Variants in DNM3 observed in about 807,000 individuals in gnomAD.
DNM3 encodes dynamin-3.
A neutral mutation model predicts 101.6 loss-of-function variants in DNM3; 47 were observed. The observed-to-expected ratio is 0.46, with a 90% CI of 0.37 to 0.59. The LOEUF is 0.59. Ranked by LOEUF, DNM3 falls within the 20% of genes least tolerant of loss-of-function variation. The pLI, the probability that DNM3 is intolerant of heterozygous loss-of-function variation, is 0.00. For synonymous variants in DNM3, 385 were observed against 387.9 expected (o/e 0.99, Z 0.09); for missense variants, 849 against 1,085.7 (o/e 0.78, Z 3.06).
intron 1 of DNM3, among the ~76,000 whole-genome samples, chr1:171,913,764 T>C (rs2039491596): frequency 1.3e-5 from 2 of 152,158 alleles, no homozygotes; most frequent in African/African-American, 4.8e-5. Flanking sequence ...TATTGTGAGA[T>C]AGTACTCCTA....
chr1:172,095,072 G>A (rs75211690), intron 13 of DNM3, among the ~76,000 whole-genome samples: 1,621 of 152,264 alleles, frequency 0.011, 32 homozygotes, highest in African/African-American at 0.037. Flanking sequence ...ACACATTATG[G>A]AAGTATTACA....
chr1:172,160,107 AC>A (rs2058493493), intron 14 of DNM3, among the ~76,000 whole-genome samples: 1 of 151,970 alleles, frequency 6.6e-6, no homozygotes, highest in Non-Finnish European at 1.5e-5. Context: ...TTTACTATCA[AC>A]CGAGCTTTCA....
intron 1 of DNM3, among the ~76,000 whole-genome samples, chr1:171,892,690 C>G (rs890506254): frequency 1.3e-5 from 2 of 152,188 alleles, no homozygotes; most frequent in African/African-American, 4.8e-5. Context: ...ACTTTATCAA[C>G]TACAGCAGCA....
In DNM3 at chr1:172,056,971, A is replaced by G. The variant is rs536213904; in HGVS notation, c.1335+8221A>G. Among the ~76,000 whole-genome samples, 765 of 152,204 alleles carry G rather than the reference A, an allele frequency of 5.0e-3. 4 individuals carry two copies. The highest frequency in any genetic ancestry group is 0.024 in the Middle Eastern group (7 of 294). The stretch of plus-strand genomic sequence containing the variant: ...AAAAAATTTAGACGAATGTATAACT[A>G]GAATAACCAATACAGAGAAGTGCTT... On this transcript the variant is annotated intron_variant, in intron 10 of 20. Transcript: ENST00000627582.
intron 11 of DNM3, among the ~76,000 whole-genome samples, chr1:172,078,852 TAA>T (rs1352257134): frequency 6.6e-6 from 1 of 152,230 alleles, no homozygotes; most frequent in African/African-American, 2.4e-5. Context: ...TGCTAGTCTG[TAA>T]AAGAGTTTAT....
chr1:172,185,338 G>C (rs891644277), intron 14 of DNM3, among the ~76,000 whole-genome samples: 6 of 152,114 alleles, frequency 3.9e-5, no homozygotes, highest in Non-Finnish European at 5.9e-5. Flanking sequence ...GAGTAGAATT[G>C]GAATGCAGAG....
At chr1:172,134,695 A>G (rs2057121465) in intron 14 of DNM3, among the ~76,000 whole-genome samples, 1 of 152,198 alleles carries the variant, frequency 6.6e-6, no homozygotes, top group Non-Finnish European at 1.5e-5. Context: ...ATAAATAGGA[A>G]AACCTAGCAG....
chr1:172,139,139 T>G (rs1424125058), intron 14 of DNM3: 1 of 312,872 alleles, frequency 3.2e-6, no homozygotes, highest in Non-Finnish European at 6.2e-6. Context: ...AAACTCACAT[T>G]AAAATTTTAA....
intron 2 of DNM3, among the ~76,000 whole-genome samples, chr1:171,922,997 G>A (rs2040298654): frequency 6.6e-6 from 1 of 152,202 alleles, no homozygotes. Context: ...TATGAATGAT[G>A]TTGCTATAAA....
chr1:172,413,288 A>G (rs1170415887), downstream of DNM3, among the ~76,000 whole-genome samples: 20 of 152,064 alleles, frequency 1.3e-4, no homozygotes, highest in Admixed American at 1.2e-3. Context: ...GTGCAGTGGC[A>G]CTATCTCGGC....
intron 12 of DNM3, among the ~76,000 whole-genome samples, chr1:172,090,234 AG>A (rs1211628401): frequency 6.6e-6 from 1 of 152,222 alleles, no homozygotes; most frequent in Non-Finnish European, 1.5e-5. Context: ...TAACCTATGA[AG>A]GTGTCATGAT....
At chr1:171,959,750 A>G (rs562908655) in intron 2 of DNM3, among the ~76,000 whole-genome samples, 2 of 152,186 alleles carry the variant, frequency 1.3e-5, no homozygotes, top group East Asian at 3.9e-4. Context: ...CAAGGAGGTA[A>G]AGTGTTATGA....
chr1:172,127,352 C>G (rs2148052650), intron 13 of DNM3, among the ~76,000 whole-genome samples: 1 of 150,996 alleles, frequency 6.6e-6, no homozygotes, highest in Middle Eastern at 3.4e-3. Flanking sequence ...TCCTTGTATC[C>G]TCTTTATTGT....
intron 16 of DNM3, among the ~76,000 whole-genome samples, chr1:172,314,623 G>A (rs1025994928): frequency 6.6e-6 from 1 of 152,216 alleles, no homozygotes; most frequent in Non-Finnish European, 1.5e-5. Context: ...CGCCCACGGA[G>A]TCTCGCTGAT....
chr1:172,353,723 A>T (rs1366310202), intron 17 of DNM3, among the ~76,000 whole-genome samples: 1 of 152,174 alleles, frequency 6.6e-6, no homozygotes, highest in Non-Finnish European at 1.5e-5. Flanking sequence ...TTTGACTCTT[A>T]GCTTTTGAAA....
chr1:172,037,031 A>G (rs1020133826), intron 6 of DNM3, among the ~76,000 whole-genome samples: 3 of 152,244 alleles, frequency 2.0e-5, no homozygotes, highest in Non-Finnish European at 2.9e-5. Context: ...GCCAAAAAAC[A>G]TGAAAAAATG....
chr1:172,253,274 G>C (rs886269333), intron 14 of DNM3, among the ~76,000 whole-genome samples: 3 of 152,078 alleles, frequency 2.0e-5, no homozygotes, highest in Non-Finnish European at 4.4e-5. Context: ...CTTCATCTCA[G>C]AGCCCTTCCT....
rs1403628230 is a variant in DNM3, at chr1:172,056,567, C to A, written c.1335+7817C>A. ...CCCGAGCAGCCTAACTGGGAGGCAC[C>A]CCCAAGCAGGGGCACACTGACACCT... On this transcript the variant is annotated intron_variant, in intron 10 of 20. Coordinates refer to ENST00000627582, the MANE Select transcript of DNM3 (RefSeq NM_015569.5). Among the ~76,000 whole-genome samples the A allele has an allele frequency of 2.0e-5, 3 of 152,226 alleles. No individual in the cohort carries two copies. The East Asian group carries it at 5.8e-4, about 29-fold the overall frequency.
At chr1:171,898,779 A>T (rs936421920) in intron 1 of DNM3, among the ~76,000 whole-genome samples, 2 of 149,664 alleles carry the variant, frequency 1.3e-5, no homozygotes, top group Non-Finnish European at 3.0e-5. Flanking sequence ...TAGAGAGTGA[A>T]TTTTTTTTTT....
Sources: allele counts gnomAD v4.1 joint callset (sites outside exome capture counted in the v4.1 genomes callset), GRCh38; gene constraint gnomAD v4.1.1; transcripts MANE v1.5; gene names NCBI Gene and HGNC (gene_info 2026-07-23, HGNC 2026-07-21).